Variants in LHFPL3 observed in about 807,000 individuals in gnomAD.
LHFPL3 encodes the protein LHFPL tetraspan subfamily member 3 protein.
A neutral mutation model predicts 19.3 loss-of-function variants in LHFPL3; 5 were observed. The observed-to-expected ratio is 0.26, with a 90% CI of 0.14 to 0.54. The LOEUF (loss-of-function observed/expected upper bound fraction) is 0.54, where lower values mean the gene tolerates loss of function less well. Ranked by LOEUF, LHFPL3 falls within the 20% of genes least tolerant of loss-of-function variation. The probability of loss-of-function intolerance (pLI) is 0.94; values close to 1 mark genes in which losing one functional copy is unlikely to be tolerated. For synonymous variants in LHFPL3, 133 were observed against 126.2 expected (o/e 1.05, Z -0.36); for missense variants, 249 against 307.4 (o/e 0.81, Z 1.42).
chr7:104,466,833 C>T (rs1263010551), intron 1 of LHFPL3, among the ~76,000 whole-genome samples: 1 of 152,192 alleles, frequency 6.6e-6, no homozygotes, highest in Non-Finnish European at 1.5e-5. Flanking sequence ...ATAGCATTTG[C>T]CCAGAATCAG....
intron 1 of LHFPL3, among the ~76,000 whole-genome samples, chr7:104,584,973 T>C (rs767104850): frequency 4.6e-5 from 7 of 152,186 alleles, no homozygotes; most frequent in Non-Finnish European, 1.0e-4. Flanking sequence ...TTTATGTTTA[T>C]ACTGAAGCCT....
intron 2 of LHFPL3, among the ~76,000 whole-genome samples, chr7:104,760,211 G>A (rs1219033271): frequency 6.6e-6 from 1 of 152,156 alleles, no homozygotes; most frequent in Non-Finnish European, 1.5e-5. Flanking sequence ...TGAATTTGAT[G>A]CCATTAGTAG....
At chr7:104,701,642 A>T (rs1179983347) in intron 1 of LHFPL3, among the ~76,000 whole-genome samples, 2 of 152,172 alleles carry the variant, frequency 1.3e-5, no homozygotes, top group Admixed American at 1.3e-4. Context: ...GGCGTAAGAA[A>T]GTTCATGTAT....
chr7:104,724,183 A>G (rs956585658), intron 1 of LHFPL3, among the ~76,000 whole-genome samples: 5 of 152,346 alleles, frequency 3.3e-5, no homozygotes, highest in African/African-American at 1.2e-4. Flanking sequence ...ACGGAATGCC[A>G]GAAAACAGAA....
chr7:104,585,806 T>C (rs1039317487), intron 1 of LHFPL3, among the ~76,000 whole-genome samples: 2 of 152,110 alleles, frequency 1.3e-5, no homozygotes, highest in Non-Finnish European at 2.9e-5. Context: ...CAAAATTACT[T>C]AAAATCATGC....
intron 1 of LHFPL3, among the ~76,000 whole-genome samples, chr7:104,604,913 C>T (rs746239277): frequency 2.6e-5 from 4 of 152,068 alleles, no homozygotes; most frequent in African/African-American, 9.7e-5. Context: ...CCAGGGAGCC[C>T]GGGAATTGTT....
chr7:104,735,173 C>A (rs1032092988), intron 1 of LHFPL3, among the ~76,000 whole-genome samples: 3 of 152,234 alleles, frequency 2.0e-5, no homozygotes, highest in African/African-American at 7.2e-5. Context: ...GAGGGACCCA[C>A]TTGAGGAGGC....
At chr7:104,773,321 C>T (rs12540437) in intron 2 of LHFPL3, among the ~76,000 whole-genome samples, 22,865 of 152,188 alleles carry the variant, frequency 0.15, 2,101 homozygotes, top group East Asian at 0.45. Context: ...CTTCCTGTGC[C>T]TGGTTACAGT....
chr7:104,584,367 C>T (rs1226236015), intron 1 of LHFPL3, among the ~76,000 whole-genome samples: 1 of 151,864 alleles, frequency 6.6e-6, no homozygotes, highest in Non-Finnish European at 1.5e-5. Flanking sequence ...TAAATGACGA[C>T]TTAATGGGTG....
intron 2 of LHFPL3, among the ~76,000 whole-genome samples, chr7:104,879,658 G>A (rs796085763): frequency 2.1e-4 from 32 of 152,310 alleles, no homozygotes; most frequent in African/African-American, 6.7e-4. Flanking sequence ...CCAGGAGATC[G>A]AGGCCACAGT....
intron 2 of LHFPL3, among the ~76,000 whole-genome samples, chr7:104,877,520 T>C (rs1791970295): frequency 6.6e-6 from 1 of 152,146 alleles, no homozygotes; most frequent in South Asian, 2.1e-4. Context: ...CATGAAAAGA[T>C]ACTCAGCATC....
At chr7:104,406,964 A>T (rs932684118) in intron 1 of LHFPL3, among the ~76,000 whole-genome samples, 45 of 152,192 alleles carry the variant, frequency 3.0e-4, no homozygotes, top group African/African-American at 9.9e-4. Flanking sequence ...AGTCCAAGGT[A>T]TGAGTTAGAT....
At chr7:104,797,139 T>C (rs1244523658) in intron 2 of LHFPL3, among the ~76,000 whole-genome samples, 2 of 152,198 alleles carry the variant, frequency 1.3e-5, no homozygotes, top group African/African-American at 4.8e-5. Context: ...AAATTAATGG[T>C]CAGCATGGAG....
At chr7:104,528,750 A>G (rs1794237737) in intron 1 of LHFPL3, among the ~76,000 whole-genome samples, 1 of 152,176 alleles carries the variant, frequency 6.6e-6, no homozygotes, top group Admixed American at 6.6e-5. Context: ...AGTAATTAAG[A>G]GTCATAATTA....
At chr7:104,779,017 C>T (rs1363299149) in intron 2 of LHFPL3, among the ~76,000 whole-genome samples, 1 of 152,178 alleles carries the variant, frequency 6.6e-6, no homozygotes, top group African/African-American at 2.4e-5. Context: ...CCTCTTTTCT[C>T]CCTGGACATA....
chr7:104,430,405 CATATATATATATACATATAT>C (rs1791954550), intron 1 of LHFPL3, among the ~76,000 whole-genome samples: 2 of 22,454 alleles, frequency 8.9e-5, no homozygotes, highest in African/African-American at 3.8e-4. Context: ...TATATATATA[CATATATATATATACATATAT>C]ATATATATAT....
chr7:104,542,570 T>C (rs1357808962), intron 1 of LHFPL3, among the ~76,000 whole-genome samples: 1 of 152,142 alleles, frequency 6.6e-6, no homozygotes, highest in Non-Finnish European at 1.5e-5. Context: ...CAAAGTGGAA[T>C]CTTGGCCAAG....
chr7:104,637,745 TGTTTTTGTACCAG>T (rs1188712895), intron 1 of LHFPL3, among the ~76,000 whole-genome samples: 1 of 152,100 alleles, frequency 6.6e-6, no homozygotes, highest in African/African-American at 2.4e-5. Context: ...TCTATGTGTC[TGTTTTTGTACCAG>T]TATCATGCTG....
At chr7:104,596,357 T>C (rs1238183799) in intron 1 of LHFPL3, among the ~76,000 whole-genome samples, 5 of 152,224 alleles carry the variant, frequency 3.3e-5, no homozygotes, top group African/African-American at 1.2e-4. Context: ...TTGAGACAAA[T>C]CATACAAGCC....
Sources: gnomAD v4.1 joint callset for allele counts (sites outside exome capture counted in the v4.1 genomes callset) on GRCh38, gnomAD v4.1.1 for gene constraint, MANE v1.5 for transcripts, NCBI Gene and HGNC (gene_info 2026-07-23, HGNC 2026-07-21) for gene names.